Variants in PCDHA9 observed in about 807,000 individuals in gnomAD.
PCDHA9 encodes protocadherin alpha 9.
Under a neutral mutation model 62.0 loss-of-function variants are expected in PCDHA9, and 62 were observed. The observed-to-expected ratio is 1.00, with a 90% CI of 0.81 to 1.23. PCDHA9 has a LOEUF of 1.23. Among genes scored for constraint, PCDHA9 ranks in the 50% most tolerant of loss-of-function variants. The probability of loss-of-function intolerance (pLI) is 0.00; values close to 1 mark genes in which losing one functional copy is unlikely to be tolerated. For synonymous variants in PCDHA9, 557 were observed against 567.6 expected, an observed-to-expected ratio of 0.98 and a Z score of 0.27; for missense variants, 1,205 against 1,249.8, an observed-to-expected ratio of 0.96 and a Z score of 0.54.
rs781960813 is a variant in PCDHA9 at position 140,883,266 on chromosome 5, A to C, written c.2394+32377A>C. On this transcript the variant is annotated intron_variant, in intron 1 of 3. Transcript: ENST00000532602. ...AAAGGAAATATTCCAATGGCGGGTCATTGTACCCTTTTGGTGGAAGTACTA... is the reference window on the plus strand; with the variant it reads ...AAAGGAAATATTCCAATGGCGGGTCCTTGTACCCTTTTGGTGGAAGTACTA... 2.7e-5 allele frequency: 43 copies of C among 1,614,082 alleles called. No individual in the cohort carries two copies. In the African/African-American group the frequency reaches 4.7e-4, roughly 18 times the overall value.
chr5:140,974,534 G>A (rs929112962), intron 1 of PCDHA9, among the ~76,000 whole-genome samples: 4 of 151,974 alleles, frequency 2.6e-5, no homozygotes, highest in Admixed American at 1.3e-4. Flanking sequence ...TTTTTGAGAC[G>A]GAGTTTTGCT....
At chr5:140,859,972 C>A (rs949834053) in intron 1 of PCDHA9, 1 of 151,842 alleles carries the variant, frequency 6.6e-6, no homozygotes, top group South Asian at 2.1e-4. Flanking sequence ...CTCAGGTATA[C>A]AAGTGCATTA....
At chr5:140,869,108 T>C in intron 1 of PCDHA9, 2 of 1,602,680 alleles carry the variant, frequency 1.2e-6, no homozygotes, top group African/African-American at 1.3e-5. Flanking sequence ...TATGCGATGT[T>C]TGGTTTTCAG....
chr5:140,962,806 A>G (rs2095710017), intron 1 of PCDHA9, among the ~76,000 whole-genome samples: 1 of 152,204 alleles, frequency 6.6e-6, no homozygotes, highest in Admixed American at 6.5e-5. Context: ...ACAACTCTAA[A>G]CATCAGAGAT....
intron 1 of PCDHA9, chr5:140,882,206 G>C: frequency 6.5e-7 from 1 of 1,531,252 alleles, no homozygotes; most frequent in Non-Finnish European, 8.8e-7. Context: ...TGGGCCTTGA[G>C]AGACAGTTTG....
chr5:140,892,468 C>T (rs1184778883), intron 1 of PCDHA9, among the ~76,000 whole-genome samples: 10 of 152,150 alleles, frequency 6.6e-5, no homozygotes, highest in Admixed American at 3.3e-4. Flanking sequence ...TACGGTTATT[C>T]AGTTTCCTAG....
At chr5:140,972,660 A>ATTTTTT (rs11350929) in intron 1 of PCDHA9, among the ~76,000 whole-genome samples, 2 of 117,268 alleles carry the variant, frequency 1.7e-5, no homozygotes, top group African/African-American at 3.3e-5. Context: ...AAGAAACCAA[A>ATTTTTT]TTTTTTTTTT....
chr5:140,966,707 A>C, intron 1 of PCDHA9: 1 of 1,379,868 alleles, frequency 7.2e-7, no homozygotes, highest in Non-Finnish European at 9.3e-7. Context: ...GGCGTGGGGC[A>C]CGGCTGGGGA....
At chr5:140,979,548 C>A (rs2153819465) in intron 2 of PCDHA9, among the ~76,000 whole-genome samples, 1 of 152,286 alleles carries the variant, frequency 6.6e-6, no homozygotes, top group African/African-American at 2.4e-5. Context: ...TGACATGGTT[C>A]TTCAGAAGAT....
chr5:141,008,329 T>C (rs2098370202), intron 3 of PCDHA9, among the ~76,000 whole-genome samples: 1 of 152,192 alleles, frequency 6.6e-6, no homozygotes, highest in Non-Finnish European at 1.5e-5. Context: ...AAACAGTTTA[T>C]TTGATGGAGC....
intron 1 of PCDHA9, chr5:140,853,237 A>T: frequency 1.0e-6 from 1 of 980,784 alleles, no homozygotes; most frequent in Non-Finnish European, 1.2e-6. Context: ...TTAGTCCTTC[A>T]TATTAATCTC....
At chr5:140,863,308 G>A (rs782229195) in intron 1 of PCDHA9, 4 of 1,462,176 alleles carry the variant, frequency 2.7e-6, no homozygotes, top group Non-Finnish European at 3.7e-6. Context: ...CGCCATCTGC[G>A]TGGTGTCCAG....
chr5:140,877,092 C>G (rs200462899), intron 1 of PCDHA9: 46 of 1,613,110 alleles, frequency 2.9e-5, no homozygotes, highest in African/African-American at 6.7e-5. Flanking sequence ...CGCGCGACGC[C>G]GGCGTGCCGC....
chr5:140,945,533 A>G (rs1007849839), intron 1 of PCDHA9, among the ~76,000 whole-genome samples: 2 of 152,084 alleles, frequency 1.3e-5, no homozygotes, highest in African/African-American at 4.8e-5. Flanking sequence ...AAAACAAAAC[A>G]TACAAACAAA....
chr5:140,951,321 A>AT (rs2094571430), intron 1 of PCDHA9, among the ~76,000 whole-genome samples: 1 of 152,098 alleles, frequency 6.6e-6, no homozygotes, highest in Non-Finnish European at 1.5e-5. Context: ...TATTCTTGAG[A>AT]TTCATCATTC....
rs2150458780 is a variant in PCDHA9, at chr5:140,849,941, T to A, written c.1446T>A (p.Ala482=). ...TCTTCACGGTGTCTGCGCGGGACGC[T>A]GACGCGCAGGAGAACGCCCTGGTGT... ...CHIFTVSARD[A]DAQENALVSY... The change falls in exon 1 of 4, where the codon GCT becomes GCA. Residue 482 remains alanine (A), a synonymous_variant. Transcript: ENST00000532602. The A allele has an allele frequency of 1.5e-5, 24 of 1,597,306 alleles. 2 individuals carry two copies. Among genetic ancestry groups the A allele is most frequent in the Non-Finnish European group, 1.9e-5 (22 of 1,167,576 alleles).
chr5:140,946,611 A>AATATATATATATATATATATATAT (rs1554217734), intron 1 of PCDHA9, among the ~76,000 whole-genome samples: 1,222 of 86,096 alleles, frequency 0.014, 42 homozygotes, highest in African/African-American at 0.029. Context: ...GAAAATGTGA[A>AATATATATATATATATATATATAT]ATATATATAT....
chr5:140,993,363 C>T (rs925225156), intron 3 of PCDHA9, among the ~76,000 whole-genome samples: 1 of 151,918 alleles, frequency 6.6e-6, no homozygotes, highest in Non-Finnish European at 1.5e-5. Context: ...CTCACAAAAA[C>T]TACCTCCCAG....
intron 1 of PCDHA9, chr5:140,966,387 C>G: frequency 2.5e-6 from 1 of 405,008 alleles, no homozygotes. Context: ...GGTTCGCTGT[C>G]CGCCACTTCG....
Sources: allele counts gnomAD v4.1 joint callset (sites outside exome capture counted in the v4.1 genomes callset), GRCh38; gene constraint gnomAD v4.1.1; transcripts MANE v1.5; gene names NCBI Gene and HGNC (gene_info 2026-07-23, HGNC 2026-07-21).